The following PARM1 variants were observed in gnomAD, a reference collection of about 807,000 sequenced individuals.
The protein encoded by PARM1 is prostate androgen-regulated mucin-like protein 1, also known as WSC4, cell wall integrity and stress response component 4 homolog.
Under a neutral mutation model 24.6 loss-of-function variants are expected in PARM1, and 14 were observed. The ratio of observed to expected loss-of-function variants is 0.57; its 90% confidence interval spans 0.38 to 0.89. The LOEUF is 0.89. Among genes scored for constraint, PARM1 ranks in the 40% least tolerant of loss-of-function variants. The probability of loss-of-function intolerance (pLI) is 0.00; values close to 1 mark genes in which losing one functional copy is unlikely to be tolerated. For synonymous variants in PARM1, 179 were observed against 156.6 expected (o/e 1.14, Z -1.07); for missense variants, 362 against 380.4 (o/e 0.95, Z 0.40).
intron 1 of PARM1, among the ~76,000 whole-genome samples, chr4:74,985,925 C>T (rs554803223): frequency 3.3e-5 from 5 of 152,160 alleles, no homozygotes; most frequent in East Asian, 3.9e-4. Context: ...TGTGCCACCA[C>T]GCCCGGCTAA....
intron 1 of PARM1, among the ~76,000 whole-genome samples, chr4:75,003,887 C>G (rs547469914): frequency 6.6e-6 from 1 of 152,178 alleles, no homozygotes; most frequent in South Asian, 2.1e-4. Context: ...CATTCTCTCT[C>G]TCTCTCTCTC....
intron 1 of PARM1, among the ~76,000 whole-genome samples, chr4:74,963,261 G>C (rs72860931): frequency 0.17 from 25,295 of 152,130 alleles, 3,269 homozygotes; most frequent in African/African-American, 0.37. Context: ...ATCTTACATG[G>C]ATTTTACTTC....
At chr4:75,000,539 G>A (rs182359582) in intron 1 of PARM1, among the ~76,000 whole-genome samples, 37 of 152,274 alleles carry the variant, frequency 2.4e-4, no homozygotes, top group Admixed American at 4.6e-4. Context: ...TTGCGTTAAG[G>A]ACAGGAAGGA....
intron 3 of PARM1, among the ~76,000 whole-genome samples, chr4:75,039,821 A>G (rs1723445638): frequency 6.6e-6 from 1 of 152,202 alleles, no homozygotes; most frequent in Non-Finnish European, 1.5e-5. Flanking sequence ...TGTTTCAGAT[A>G]TATTGCCTTT....
At chr4:74,977,127 G>A (rs1170073574) in intron 1 of PARM1, among the ~76,000 whole-genome samples, 1 of 152,198 alleles carries the variant, frequency 6.6e-6, no homozygotes, top group African/African-American at 2.4e-5. Flanking sequence ...ATTGACAGAA[G>A]TAGGCTTCAG....
chr4:75,039,604 C>G (rs1318372686), intron 3 of PARM1, among the ~76,000 whole-genome samples: 1 of 152,076 alleles, frequency 6.6e-6, no homozygotes, highest in Non-Finnish European at 1.5e-5. Flanking sequence ...CCAGGTGGGG[C>G]CCTTGCATTT....
chr4:74,960,154 A>T (rs959237693), intron 1 of PARM1, among the ~76,000 whole-genome samples: 2 of 152,194 alleles, frequency 1.3e-5, no homozygotes, highest in African/African-American at 4.8e-5. Flanking sequence ...CTGATTGCTG[A>T]TTGCTGTGTC....
At chr4:75,006,073 A>G (rs1722763004) in intron 1 of PARM1, among the ~76,000 whole-genome samples, 1 of 152,172 alleles carries the variant, frequency 6.6e-6, no homozygotes, top group South Asian at 2.1e-4. Flanking sequence ...AGGAAATACT[A>G]ATACTAATTA....
At chr4:75,001,696 C>T (rs1042713449) in intron 1 of PARM1, among the ~76,000 whole-genome samples, 5 of 152,138 alleles carry the variant, frequency 3.3e-5, no homozygotes, top group African/African-American at 1.2e-4. Context: ...CTGGCATCTT[C>T]GGTGAAAACC....
chr4:74,936,912 G>C (rs1165904948), intron 1 of PARM1, among the ~76,000 whole-genome samples: 1 of 152,012 alleles, frequency 6.6e-6, no homozygotes, highest in African/African-American at 2.4e-5. Flanking sequence ...TATTTCTACC[G>C]CCCTGGGTCT....
intron 1 of PARM1, among the ~76,000 whole-genome samples, chr4:74,954,690 G>C (rs72860924): frequency 6.6e-6 from 1 of 152,166 alleles, no homozygotes; most frequent in African/African-American, 2.4e-5. Flanking sequence ...AGCAATTTCT[G>C]CTGGTTTCAA....
chr4:74,955,217 C>T (rs1578026510), intron 1 of PARM1, among the ~76,000 whole-genome samples: 1 of 149,530 alleles, frequency 6.7e-6, no homozygotes, highest in African/African-American at 2.5e-5. Flanking sequence ...ATGTAGACTG[C>T]AGATTTTGAA....
intron 1 of PARM1, among the ~76,000 whole-genome samples, chr4:74,937,168 T>A (rs572101464): frequency 2.0e-5 from 3 of 152,348 alleles, no homozygotes; most frequent in Admixed American, 6.5e-5. Context: ...TATGACTCTG[T>A]ACTTGATATA....
At chr4:74,991,070 T>C (rs773068444) in intron 1 of PARM1, among the ~76,000 whole-genome samples, 1 of 152,142 alleles carries the variant, frequency 6.6e-6, no homozygotes, top group Non-Finnish European at 1.5e-5. Context: ...TAGCACTGTA[T>C]TAGGTGTAAA....
At chr4:74,955,505 A>G (rs142829049) in intron 1 of PARM1, among the ~76,000 whole-genome samples, 7 of 152,352 alleles carry the variant, frequency 4.6e-5, no homozygotes, top group African/African-American at 1.7e-4. Flanking sequence ...GGATGATCCA[A>G]AGATTTTGTC....
At chr4:74,964,019 T>C (rs1265014358) in intron 1 of PARM1, among the ~76,000 whole-genome samples, 3 of 152,124 alleles carry the variant, frequency 2.0e-5, no homozygotes, top group African/African-American at 4.8e-5. Flanking sequence ...GAAATATCAG[T>C]CTTTAACTGC....
chr4:74,997,510 T>C lies in PARM1; in HGVS notation c.44-14915T>C, dbSNP rs541041414. 2.0e-4 allele frequency among the ~76,000 whole-genome samples: 31 copies of C among 152,296 alleles called. No homozygotes were observed. The South Asian group carries it at 6.0e-3, about 30-fold the overall frequency. ...TCTGAGCCCAAATCCCAGCTCTGCC[T>C]CTTGTGAGCTGCTTGACATTGAATT... On this transcript the variant is annotated intron_variant, in intron 1 of 3. Transcript: ENST00000307428.
chr4:74,950,734 A>G (rs928095934), intron 1 of PARM1, among the ~76,000 whole-genome samples: 1 of 152,208 alleles, frequency 6.6e-6, no homozygotes, highest in Non-Finnish European at 1.5e-5. Context: ...TCACTATCAC[A>G]TCAAGTTTTT....
intron 1 of PARM1, among the ~76,000 whole-genome samples, chr4:75,005,325 G>C (rs1722750736): frequency 6.6e-6 from 1 of 152,182 alleles, no homozygotes; most frequent in Admixed American, 6.5e-5. Context: ...TCACGTGCTT[G>C]ACAAGCTGAG....
Sources: allele counts gnomAD v4.1 joint callset (sites outside exome capture counted in the v4.1 genomes callset), GRCh38; gene constraint gnomAD v4.1.1; transcripts MANE v1.5; gene names NCBI Gene and HGNC (gene_info 2026-07-23, HGNC 2026-07-21).